The following NRXN3 variants were observed in gnomAD, a reference collection of about 807,000 sequenced individuals.
The protein encoded by NRXN3 is neurexin III.
Under a neutral mutation model 137.6 loss-of-function variants are expected in NRXN3, and 32 were observed. The observed-to-expected ratio is 0.23, with a 90% confidence interval of 0.18 to 0.31. NRXN3 has a LOEUF of 0.31. NRXN3 is among the 10% of genes least tolerant of loss of function. The pLI is 1.00. For missense variants in NRXN3, 1,574 were observed against 2,062.5 expected (o/e 0.76, Z 4.59); for synonymous variants, 798 against 784.5 (o/e 1.02, Z -0.29).
At chr14:79,218,193 C>T (rs945417588) in intron 15 of NRXN3, among the ~76,000 whole-genome samples, 9 of 152,114 alleles carry the variant, frequency 5.9e-5, no homozygotes, top group East Asian at 3.8e-4. Flanking sequence ...CACCCGAAAG[C>T]GTTTGAAACA....
chr14:78,719,138 G>C (rs2098447652), intron 8 of NRXN3, among the ~76,000 whole-genome samples: 1 of 152,200 alleles, frequency 6.6e-6, no homozygotes, highest in African/African-American at 2.4e-5. Flanking sequence ...GACCATTGCT[G>C]AATCTATGCT....
chr14:78,577,482 T>G (rs1425661800), intron 4 of NRXN3, among the ~76,000 whole-genome samples: 1 of 152,196 alleles, frequency 6.6e-6, no homozygotes, highest in Non-Finnish European at 1.5e-5. Context: ...ATTTTTTTTT[T>G]GCGATGGAGT....
intron 15 of NRXN3, among the ~76,000 whole-genome samples, chr14:79,330,560 C>T (rs896720545): frequency 6.6e-6 from 1 of 152,098 alleles, no homozygotes; most frequent in Non-Finnish European, 1.5e-5. Flanking sequence ...GCCTAATACA[C>T]ATGATGCTTA....
intron 4 of NRXN3, among the ~76,000 whole-genome samples, chr14:78,568,931 A>G (rs920911854): frequency 1.4e-5 from 2 of 147,488 alleles, no homozygotes; most frequent in African/African-American, 5.0e-5. Flanking sequence ...CTGATTCAGC[A>G]GGTCTGTGGT....
intron 10 of NRXN3, among the ~76,000 whole-genome samples, chr14:78,940,590 T>A (rs2099351173): frequency 6.6e-6 from 1 of 152,228 alleles, no homozygotes; most frequent in South Asian, 2.1e-4. Flanking sequence ...TGATGAGTTG[T>A]TGAGTTAATG....
chr14:79,178,430 T>C (rs1297487709), intron 15 of NRXN3, among the ~76,000 whole-genome samples: 1 of 152,228 alleles, frequency 6.6e-6, no homozygotes, highest in Non-Finnish European at 1.5e-5. Flanking sequence ...TTCACTCTGT[T>C]ATTGTTAACC....
intron 16 of NRXN3, among the ~76,000 whole-genome samples, chr14:79,476,197 T>TG (rs1007792196): frequency 4.6e-5 from 7 of 152,222 alleles, no homozygotes; most frequent in African/African-American, 1.7e-4. Context: ...AGTGTATTGA[T>TG]GGGGGAATTC....
rs371705642 is a variant in NRXN3, at chr14:79,317,220, G to A, written c.3263-150001G>A. On this transcript the variant is annotated intron_variant, in intron 15 of 20. Coordinates refer to ENST00000335750, the MANE Select transcript of NRXN3 (RefSeq NM_001330195.2). ...GCACTCCAGCCTGGGTGACAAGAGCGAGGCTACTTCTCAAAAAAGAAAAAA... is the reference window on the plus strand; with the variant it reads ...GCACTCCAGCCTGGGTGACAAGAGCAAGGCTACTTCTCAAAAAAGAAAAAA... 1.1e-4 allele frequency among the ~76,000 whole-genome samples: 17 copies of A among 152,116 alleles called. No individual in the cohort carries two copies. The South Asian group carries it at 1.7e-3, about 15-fold the overall frequency.
intron 14 of NRXN3, among the ~76,000 whole-genome samples, chr14:78,972,223 T>C (rs2099444409): frequency 6.6e-6 from 1 of 152,204 alleles, no homozygotes; most frequent in East Asian, 1.9e-4. Context: ...GGTTTCACAA[T>C]TGCAGATGAT....
intron 15 of NRXN3, among the ~76,000 whole-genome samples, chr14:79,275,022 TATAATC>T (rs1451155114): frequency 2.6e-5 from 4 of 152,150 alleles, no homozygotes; most frequent in Non-Finnish European, 4.4e-5. Context: ...AAATAGAAAA[TATAATC>T]AAAATCCGCT....
intron 16 of NRXN3, among the ~76,000 whole-genome samples, chr14:79,504,175 GA>G (rs2153678643): frequency 6.6e-6 from 1 of 152,180 alleles, no homozygotes; most frequent in Admixed American, 6.5e-5. Context: ...CCTATTAGAT[GA>G]AGACCAAACC....
chr14:78,282,478 AGACCTG>A (rs2074540335), intron 3 of NRXN3: 1 of 217,138 alleles, frequency 4.6e-6, no homozygotes, highest in African/African-American at 2.2e-5. Flanking sequence ...CCTGCTGATT[AGACCTG>A]GAATTTAAAT....
chr14:78,503,724 T>C (rs1469330755), intron 4 of NRXN3, among the ~76,000 whole-genome samples: 2 of 152,066 alleles, frequency 1.3e-5, no homozygotes, highest in Non-Finnish European at 2.9e-5. Flanking sequence ...AGGCTAAGCC[T>C]GAAGGTGGAC....
At chr14:79,828,891 T>A (rs970982050) in intron 20 of NRXN3, among the ~76,000 whole-genome samples, 5 of 152,056 alleles carry the variant, frequency 3.3e-5, no homozygotes, top group African/African-American at 1.2e-4. Flanking sequence ...ATACAATAAT[T>A]ATTTAAAGAA....
chr14:79,371,818 G>A (rs964676839), intron 15 of NRXN3, among the ~76,000 whole-genome samples: 6 of 152,064 alleles, frequency 3.9e-5, no homozygotes, highest in Non-Finnish European at 8.8e-5. Flanking sequence ...AATACCCAAC[G>A]ATGCTGTTTT....
chr14:78,675,678 G>T (rs1467820146), intron 6 of NRXN3, among the ~76,000 whole-genome samples: 2 of 152,142 alleles, frequency 1.3e-5, no homozygotes, highest in Non-Finnish European at 1.5e-5. Context: ...AGATTCTAGT[G>T]TCACAGGAAA....
At chr14:78,818,584 T>C (rs181898103) in intron 10 of NRXN3, among the ~76,000 whole-genome samples, 1 of 152,142 alleles carries the variant, frequency 6.6e-6, no homozygotes, top group South Asian at 2.1e-4. Flanking sequence ...TTTCATGAAG[T>C]CTGATTGGGC....
chr14:79,451,324 A>G lies in NRXN3; in HGVS notation c.3263-15897A>G, dbSNP rs2096169498. Among the ~76,000 whole-genome samples the G allele has an allele frequency of 3.3e-5, 5 of 152,206 alleles. No individual in the cohort carries two copies. The South Asian group carries it at 1.0e-3, about 32-fold the overall frequency. Reference sequence around the variant, plus strand: ...GGCATCGCTGACTGAAAGATAGGTCATTTTTAAAATAGTGGTATGACCTTT... The same window carrying G: ...GGCATCGCTGACTGAAAGATAGGTCGTTTTTAAAATAGTGGTATGACCTTT... On this transcript the variant is annotated intron_variant, in intron 15 of 20. Transcript: ENST00000335750.
intron 16 of NRXN3, among the ~76,000 whole-genome samples, chr14:79,576,909 CT>C (rs2097670058): frequency 6.6e-6 from 1 of 152,078 alleles, no homozygotes; most frequent in African/African-American, 2.4e-5. Flanking sequence ...TAAATTCCTT[CT>C]GTTATAATAA....
Sources: allele counts gnomAD v4.1 joint callset (sites outside exome capture counted in the v4.1 genomes callset), GRCh38; gene constraint gnomAD v4.1.1; transcripts MANE v1.5; gene names NCBI Gene and HGNC (gene_info 2026-07-23, HGNC 2026-07-21).